Variants in TRIM44 observed in about 807,000 individuals in gnomAD.
TRIM44 encodes tripartite motif-containing protein 44.
Under a neutral mutation model 37.4 loss-of-function variants are expected in TRIM44, and 13 were observed. That is an observed-to-expected ratio of 0.35 (90% CI 0.23 to 0.55). The LOEUF is 0.55. TRIM44 is among the 20% of genes least tolerant of loss of function. The pLI, the probability that TRIM44 is intolerant of heterozygous loss-of-function variation, is 0.89. For missense variants in TRIM44, 426 were observed against 437.2 expected (o/e 0.97, Z 0.23); for synonymous variants, 175 against 157.2 (o/e 1.11, Z -0.85).
intron 4 of TRIM44, among the ~76,000 whole-genome samples, chr11:35,784,536 C>T (rs1853104855): frequency 6.6e-6 from 1 of 152,080 alleles, no homozygotes; most frequent in Non-Finnish European, 1.5e-5. Context: ...ATTACTGACT[C>T]CATAATTTCA....
intron 2 of TRIM44, among the ~76,000 whole-genome samples, chr11:35,694,059 C>T (rs1056464406): frequency 5.9e-5 from 9 of 152,182 alleles, no homozygotes; most frequent in Admixed American, 2.0e-4. Context: ...TCCTCTAAAA[C>T]TGAATCTCTA....
intron 4 of TRIM44, among the ~76,000 whole-genome samples, chr11:35,791,784 T>C (rs1326746057): frequency 6.6e-6 from 1 of 152,186 alleles, no homozygotes; most frequent in Non-Finnish European, 1.5e-5. Flanking sequence ...TAGCACTTCT[T>C]CTCTTATGGC....
chr11:35,737,041 G>A (rs1402563794), intron 4 of TRIM44, among the ~76,000 whole-genome samples: 3 of 152,168 alleles, frequency 2.0e-5, no homozygotes, highest in Non-Finnish European at 4.4e-5. Context: ...GTTCTGATAA[G>A]TTTAGGCTAC....
intron 4 of TRIM44, among the ~76,000 whole-genome samples, chr11:35,778,673 C>T (rs1853009550): frequency 6.6e-6 from 1 of 152,152 alleles, no homozygotes; most frequent in Non-Finnish European, 1.5e-5. Context: ...TGTTAGTTCT[C>T]CTTCTAACAG....
At chr11:35,760,712 G>A (rs995651053) in intron 4 of TRIM44, among the ~76,000 whole-genome samples, 2 of 152,182 alleles carry the variant, frequency 1.3e-5, no homozygotes, top group Non-Finnish European at 2.9e-5. Flanking sequence ...GTACAACATG[G>A]TGTTTTGAAG....
chr11:35,778,884 G>A (rs552572460), intron 4 of TRIM44, among the ~76,000 whole-genome samples: 1 of 152,346 alleles, frequency 6.6e-6, no homozygotes, highest in Non-Finnish European at 1.5e-5. Context: ...CAGTTAGGCT[G>A]CTCAGGGGTC....
In TRIM44 at chr11:35,691,270, T is replaced by C. The variant is rs189803825; in HGVS notation, c.747+5934T>C. Among the ~76,000 whole-genome samples the C allele has an allele frequency of 8.5e-5, 13 of 152,334 alleles. No homozygotes were observed. In the East Asian group the frequency reaches 2.5e-3, roughly 29 times the overall value. Reference sequence around the variant, plus strand: ...GTCTTGCTCTAGGAAGAAGTAAATGTGGCCCCTTTTTATCCTCTCTAGACA... The same window carrying C: ...GTCTTGCTCTAGGAAGAAGTAAATGCGGCCCCTTTTTATCCTCTCTAGACA... On this transcript the variant is annotated intron_variant, in intron 2 of 4. Coordinates refer to ENST00000299413, the MANE Select transcript of TRIM44 (RefSeq NM_017583.6).
At chr11:35,799,206 G>A in intron 4 of TRIM44, among the ~76,000 whole-genome samples, 1 of 152,238 alleles carries the variant, frequency 6.6e-6, no homozygotes, top group East Asian at 1.9e-4. Context: ...TTCCATAGAA[G>A]TAGGCCATCC....
In TRIM44 at chr11:35,811,067, G is replaced by A. The variant is rs1853522952; in HGVS notation, c.*4682G>A. On this transcript the variant is annotated 3_prime_UTR_variant, in exon 5 of 5. Transcript: ENST00000299413. ...CTGGAAATGCCATTTGTCTCTCAGA[G>A]TTGTGCACAAAGGACCCTGCAAGGT... 6.6e-6 allele frequency: 1 copy of A among 152,130 alleles called. No individual in the cohort carries two copies. Among genetic ancestry groups the A allele is most frequent in the South Asian group, 2.1e-4 (1 of 4,826 alleles). 9.4% of individuals were successfully genotyped at this position (152,130 alleles called of 1,614,324 possible).
intron 4 of TRIM44, among the ~76,000 whole-genome samples, chr11:35,780,552 A>G (rs1424176903): frequency 6.6e-6 from 1 of 152,220 alleles, no homozygotes; most frequent in East Asian, 1.9e-4. Flanking sequence ...ATTGTATGCT[A>G]TCACGGTCTC....
rs1853556121 is a variant in TRIM44, at chr11:35,814,180, A to G, written c.*7795A>G. 6.6e-6 allele frequency: 1 copy of G among 152,238 alleles called. No homozygotes were observed. The highest frequency in any genetic ancestry group is 1.9e-4 in the East Asian group (1 of 5,200). 9.4% of individuals were successfully genotyped at this position (152,238 alleles called of 1,614,324 possible). On this transcript the variant is annotated 3_prime_UTR_variant, in exon 5 of 5. Coordinates refer to ENST00000299413, the MANE Select transcript of TRIM44 (RefSeq NM_017583.6). ...GACCTCAGCGCAAGTTGAGTGTTAC[A>G]CAATTTAACCTGTAATAACAGGTTC...
chr11:35,730,875 G>A (rs186800853), intron 3 of TRIM44, among the ~76,000 whole-genome samples: 10 of 137,836 alleles, frequency 7.3e-5, no homozygotes, highest in African/African-American at 1.1e-4. Context: ...TTTTTGAGAC[G>A]GAGGTTTGCT....
At chr11:35,792,072 T>TACACACACACACACACACACACACAC (rs57127722) in intron 4 of TRIM44, among the ~76,000 whole-genome samples, 15 of 136,826 alleles carry the variant, frequency 1.1e-4, no homozygotes, top group East Asian at 4.4e-4. Flanking sequence ...GAGTTGCCCC[T>TACACACACACACACACACACACACAC]ACACACACAC....
At position 35,792,111 on chromosome 11, in the gene TRIM44, A is replaced by ACACACACACACACT. The variant is rs796092540; in HGVS notation, c.1008-14246_1008-14245insACACACACACACTC. 9.7e-3 allele frequency among the ~76,000 whole-genome samples: 1,112 copies of ACACACACACACACT among 114,226 alleles called. 15 individuals carry two copies. Among genetic ancestry groups the ACACACACACACACT allele is most frequent in the African/African-American group, 0.035 (934 of 26,842 alleles). The allele number at this position is 114,226 out of a possible 152,430, so 74.9% of individuals were successfully genotyped here. On this transcript the variant is annotated intron_variant, in intron 4 of 4. Coordinates refer to ENST00000299413, the MANE Select transcript of TRIM44 (RefSeq NM_017583.6). ...CACACACACACACACACACACACAC[A>ACACACACACACACT]CTCTCTCTCATCATTCTCTATTCCA...
At chr11:35,686,368 G>GTTTTTTT (rs201505822) in intron 2 of TRIM44, among the ~76,000 whole-genome samples, 1 of 143,562 alleles carries the variant, frequency 7.0e-6, no homozygotes, top group African/African-American at 2.6e-5. Flanking sequence ...TTTTGTTTTT[G>GTTTTTTT]TTTTTGTTTT....
Position 35,703,817 on chromosome 11 carries a change from C to T in TRIM44, c.747+18481C>T, listed in dbSNP as rs533601107. ...TAAAACCACAAAGATGGGAAAAAAA[C>T]AGCAGAAAAACTGGAAACTCTAAAA... is the stretch of plus-strand genomic sequence containing the variant. On this transcript the variant is annotated intron_variant, in intron 2 of 4. Transcript: ENST00000299413. Among the ~76,000 whole-genome samples, 6 of 152,194 alleles carry T rather than the reference C, an allele frequency of 3.9e-5. No homozygotes were observed. The South Asian group carries it at 1.2e-3, about 32-fold the overall frequency.
chr11:35,787,528 G>C (rs1853145261), intron 4 of TRIM44, among the ~76,000 whole-genome samples: 2 of 152,082 alleles, frequency 1.3e-5, no homozygotes, highest in South Asian at 2.1e-4. Context: ...AATTCTGACT[G>C]TCTTCACCAA....
chr11:35,772,317 A>G (rs1852884212), intron 4 of TRIM44, among the ~76,000 whole-genome samples: 1 of 152,316 alleles, frequency 6.6e-6, no homozygotes, highest in South Asian at 2.1e-4. Flanking sequence ...GAGCCCCTAC[A>G]CAGAGTCCCT....
In TRIM44 at chr11:35,807,205, G is replaced by T. The variant is rs1220900902; in HGVS notation, c.*820G>T. On this transcript the variant is annotated 3_prime_UTR_variant, in exon 5 of 5. Transcript: ENST00000299413. The stretch of plus-strand genomic sequence containing the variant: ...TTGGGTGAATTCTGCAGGTTTTATG[G>T]GCTTGTCACAACGTGAAGGGCTGGA... 1 of 152,130 alleles carries T rather than the reference G, an allele frequency of 6.6e-6. No homozygotes were observed. Among genetic ancestry groups the T allele is most frequent in the East Asian group, 1.9e-4 (1 of 5,194 alleles). 9.4% of individuals were successfully genotyped at this position (152,130 alleles called of 1,614,324 possible).
Sources: gnomAD v4.1 joint callset for allele counts (sites outside exome capture counted in the v4.1 genomes callset) on GRCh38, gnomAD v4.1.1 for gene constraint, MANE v1.5 for transcripts, NCBI Gene and HGNC (gene_info 2026-07-23, HGNC 2026-07-21) for gene names.